ENPP1: variants seen among roughly 807,000 people sequenced by gnomAD.
ENPP1 encodes ectonucleotide pyrophosphatase/phosphodiesterase 1, also known as ectonucleotide pyrophosphatase/phosphodiesterase family member 1.
ENPP1 carries 73 observed loss-of-function variants against 122.8 expected under a neutral mutation model. The observed-to-expected ratio is 0.59, with a 90% CI of 0.49 to 0.72. ENPP1 has a LOEUF of 0.72. ENPP1 is among the 30% of genes least tolerant of loss of function. ENPP1 has a pLI of 0.00. For missense variants in ENPP1, 978 were observed against 1,128.1 expected (o/e 0.87, Z 1.91); for synonymous variants, 367 against 391.6 (o/e 0.94, Z 0.74).
intron 1 of ENPP1, among the ~76,000 whole-genome samples, chr6:131,829,786 A>C (rs1375033515): frequency 2.0e-5 from 3 of 152,184 alleles, no homozygotes; most frequent in African/African-American, 7.2e-5. Context: ...AGAGCTTGGG[A>C]GCTAGGGCTT....
chr6:131,818,842 G>A (rs1351987586), intron 1 of ENPP1, among the ~76,000 whole-genome samples: 3 of 152,022 alleles, frequency 2.0e-5, no homozygotes, highest in Non-Finnish European at 4.4e-5. Context: ...TTTTTTCAAA[G>A]AACACCATTT....
In ENPP1 at chr6:131,814,293, T is replaced by C. The variant is rs114189467; in HGVS notation, c.240+6018T>C. On this transcript the variant is annotated intron_variant, in intron 1 of 24. Transcript: ENST00000647893. ...GAGACCTCATCTCCACAACATGTGG[T>C]AGGACTTCCAAAAATGGAGAATGCA... Among the ~76,000 whole-genome samples, 435 of 152,184 alleles carry C rather than the reference T, an allele frequency of 2.9e-3. 5 individuals carry two copies. The highest frequency in any genetic ancestry group is 0.01 in the African/African-American group (419 of 41,520).
In ENPP1 at chr6:131,861,522, G is replaced by A. The variant is rs924278790; in HGVS notation, c.916-73G>A. On this transcript the variant is annotated intron_variant, in intron 8 of 24. Transcript: ENST00000647893. ...GCACTAGAGAGGAATGCATTGGTGT[G>A]GTATGAATACATACTTTCCTAAGAG... 3.2e-6 allele frequency: 3 copies of A among 928,210 alleles called. No homozygotes were observed. In the African/African-American group the frequency reaches 4.9e-5, roughly 15 times the overall value. The allele number at this position is 928,210 out of a possible 1,614,324, so 57.5% of individuals were successfully genotyped here.
intron 11 of ENPP1, among the ~76,000 whole-genome samples, chr6:131,865,415 G>A (rs775659253): frequency 1.3e-5 from 2 of 152,124 alleles, no homozygotes; most frequent in Non-Finnish European, 2.9e-5. Context: ...AAAGTGTAGC[G>A]ATATTTGAAT....
At chr6:131,825,058 T>A (rs1393397607) in intron 1 of ENPP1, among the ~76,000 whole-genome samples, 1 of 146,968 alleles carries the variant, frequency 6.8e-6, no homozygotes, top group Admixed American at 6.8e-5. Flanking sequence ...AGACTGTGTC[T>A]CAAAAAAAAA....
chr6:131,850,206 A>AT, intron 3 of ENPP1, 100 bp downstream of exon 3: 13 of 893,802 alleles, frequency 1.5e-5, no homozygotes, highest in South Asian at 4.0e-5. Context: ...ATTCATTTGA[A>AT]TTTTTTTTAG....
At chr6:131,866,309 C>A (rs1486408500) in intron 11 of ENPP1, among the ~76,000 whole-genome samples, 2 of 152,124 alleles carry the variant, frequency 1.3e-5, no homozygotes, top group African/African-American at 4.8e-5. Flanking sequence ...CCAGGTAGCC[C>A]AGGTTGGATA....
Position 131,874,327 on chromosome 6 carries a change from C to CA in ENPP1, c.1628dup (p.Asn543LysfsTer18). ...TTTCATGGCTCTGACAATGTATTTT[C>CA]AAATATGCAAGTGAGTAAACCTATT... On this transcript the variant is annotated frameshift_variant, in exon 16 of 25. Coordinates refer to ENST00000647893, the MANE Select transcript of ENPP1 (RefSeq NM_006208.3). LOFTEE classifies it high-confidence loss of function. 6.3e-7 allele frequency: 1 copy of CA among 1,577,354 alleles called. No individual in the cohort carries two copies. The highest frequency in any genetic ancestry group is 8.7e-7 in the Non-Finnish European group (1 of 1,147,994).
At chr6:131,888,585 A>G (rs972014663) in intron 24 of ENPP1, among the ~76,000 whole-genome samples, 4 of 152,072 alleles carry the variant, frequency 2.6e-5, no homozygotes, top group East Asian at 3.9e-4. Flanking sequence ...ATTCATGAAG[A>G]TATGTCTCTC....
chr6:131,845,043 GTTTTTTTTTTTTTTT>G lies in ENPP1; in HGVS notation c.241-2718_241-2704del, dbSNP rs142380855. Among the ~76,000 whole-genome samples, 12 of 84,988 alleles carry G rather than the reference GTTTTTTTTTTTTTTT, an allele frequency of 1.4e-4. 1 individual carries two copies. The highest frequency in any genetic ancestry group is 1.2e-3 in the South Asian group (3 of 2,550). 55.8% of individuals were successfully genotyped at this position (84,988 alleles called of 152,430 possible). On this transcript the variant is annotated intron_variant, in intron 1 of 24. Transcript: ENST00000647893. The stretch of plus-strand genomic sequence containing the variant: ...ATAAATACAATTTCAATTCTTCATG[GTTTTTTTTTTTTTTT>G]TTTTTTTTTTTTTTCCTTGAGACAG...
intron 21 of ENPP1, among the ~76,000 whole-genome samples, 191 bp downstream of exon 21, chr6:131,882,665 C>CTA (rs899699736): frequency 2.2e-4 from 31 of 141,448 alleles, no homozygotes; most frequent in Middle Eastern, 3.8e-3. Context: ...ATATATATAG[C>CTA]TATATATATA....
At chr6:131,875,888 T>TC (rs1562182625) in intron 17 of ENPP1, 25 bp downstream of exon 17, 1 of 1,568,206 alleles carries the variant, frequency 6.4e-7, no homozygotes, top group Non-Finnish European at 8.8e-7. Flanking sequence ...GTGCCTTTTT[T>TC]CCCTTCTGAA....
intron 1 of ENPP1, among the ~76,000 whole-genome samples, chr6:131,822,758 C>T (rs140858380): frequency 2.8e-4 from 42 of 152,228 alleles, no homozygotes; most frequent in African/African-American, 8.4e-4. Context: ...ATCTTTGAAA[C>T]TATTTCTATG....
chr6:131,830,610 T>C (rs1342158320), intron 1 of ENPP1, among the ~76,000 whole-genome samples: 1 of 152,254 alleles, frequency 6.6e-6, no homozygotes, highest in African/African-American at 2.4e-5. Flanking sequence ...AACTTAATTC[T>C]GTTTATGATT....
chr6:131,851,398 TA>T, intron 4 of ENPP1, 131 bp downstream of exon 4: 2 of 1,164,484 alleles, frequency 1.7e-6, no homozygotes, highest in South Asian at 2.7e-5. Flanking sequence ...AAAATAATTT[TA>T]AAACTTTTTA....
At chr6:131,821,369 GA>G (rs1781482965) in intron 1 of ENPP1, among the ~76,000 whole-genome samples, 2 of 152,184 alleles carry the variant, frequency 1.3e-5, no homozygotes, top group Non-Finnish European at 2.9e-5. Flanking sequence ...AAAACAAAAT[GA>G]AAAAACTCAA....
chr6:131,871,952 T>G, intron 13 of ENPP1, 118 bp from the exon 14 acceptor site: 1 of 821,014 alleles, frequency 1.2e-6, no homozygotes, highest in Non-Finnish European at 2.1e-6. Flanking sequence ...AAATGAACTC[T>G]TTAAAACCTG....
At chr6:131,867,438 A>C (rs752621515) in intron 11 of ENPP1, among the ~76,000 whole-genome samples, 8 of 152,204 alleles carry the variant, frequency 5.3e-5, no homozygotes, top group Non-Finnish European at 1.2e-4. Context: ...GCAGTTTGTA[A>C]GGAAATAATG....
At chr6:131,864,306 T>A (rs553524699) in intron 9 of ENPP1, among the ~76,000 whole-genome samples, 200 bp from the exon 10 acceptor site, 6 of 152,364 alleles carry the variant, frequency 3.9e-5, no homozygotes, top group African/African-American at 1.4e-4. Flanking sequence ...TAAATCCAAT[T>A]GCAATTTTTA....
Sources: allele counts gnomAD v4.1 joint callset (sites outside exome capture counted in the v4.1 genomes callset), GRCh38; gene constraint gnomAD v4.1.1; transcripts MANE v1.5; gene names NCBI Gene and HGNC (gene_info 2026-07-23, HGNC 2026-07-21).